MTRF1L: variants seen among roughly 807,000 people sequenced by gnomAD.
MTRF1L encodes peptide chain release factor 1-like, mitochondrial.
Under a neutral mutation model 40.0 loss-of-function variants are expected in MTRF1L, and 29 were observed. That is an observed-to-expected ratio of 0.73 (90% CI 0.54 to 0.99). The LOEUF (loss-of-function observed/expected upper bound fraction) is 0.99, where lower values mean the gene tolerates loss of function less well. MTRF1L is among the 50% of genes least tolerant of loss of function. The pLI is 0.00. For synonymous variants in MTRF1L, 150 were observed against 175.8 expected, an observed-to-expected ratio of 0.85 and a Z score of 1.16; for missense variants, 412 against 464.5, an observed-to-expected ratio of 0.89 and a Z score of 1.04.
chr6:152,995,529 C>T (rs62436125), intron 2 of MTRF1L, among the ~76,000 whole-genome samples: 2,617 of 152,202 alleles, frequency 0.017, 35 homozygotes, highest in Non-Finnish European at 0.026. Flanking sequence ...ATTATAAATG[C>T]TGTTAAGATT....
intron 4 of MTRF1L, among the ~76,000 whole-genome samples, chr6:152,993,907 T>A (rs1363405553): frequency 6.6e-6 from 1 of 152,220 alleles, no homozygotes; most frequent in Non-Finnish European, 1.5e-5. Flanking sequence ...AAAATTAGCA[T>A]AGGAACCACT....
intron 5 of MTRF1L, 73 bp from the exon 6 acceptor site, chr6:152,991,394 C>A: frequency 1.4e-6 from 2 of 1,421,532 alleles, no homozygotes; most frequent in Non-Finnish European, 1.9e-6. Context: ...GAATACTTTT[C>A]CTCCTCATCC....
intron 1 of MTRF1L, 137 bp from the exon 2 acceptor site, chr6:152,998,766 ATTCAATAAATGCCT>A (rs1438921104): frequency 3.1e-5 from 14 of 450,790 alleles, no homozygotes; most frequent in African/African-American, 4.1e-5. Context: ...AATAAATACC[ATTCAATAAATGCCT>A]TTCAATAAAT....
At chr6:152,991,422 T>C in intron 5 of MTRF1L, 101 bp from the exon 6 acceptor site, 1 of 1,327,090 alleles carries the variant, frequency 7.5e-7, no homozygotes, top group East Asian at 2.8e-5. Context: ...TCTTCCTTTA[T>C]GAGGGGAAAA....
chr6:152,997,100 GAA>G (rs891901486), intron 2 of MTRF1L, among the ~76,000 whole-genome samples: 1 of 152,146 alleles, frequency 6.6e-6, no homozygotes, highest in Non-Finnish European at 1.5e-5. Context: ...GATGCTTTAT[GAA>G]AAGTTTATGG....
At chr6:153,001,852 G>A (rs1366120419) in intron 1 of MTRF1L, among the ~76,000 whole-genome samples, 2 of 152,324 alleles carry the variant, frequency 1.3e-5, no homozygotes, top group South Asian at 2.1e-4. Flanking sequence ...TTACAAAGAC[G>A]TGAATTCTCT....
In MTRF1L at chr6:152,997,594, CAA is replaced by C. The variant is rs1054336337; in HGVS notation, c.339+954_339+955del. Among the ~76,000 whole-genome samples the C allele has an allele frequency of 1.3e-5, 2 of 152,054 alleles. 1 individual carries two copies. Among genetic ancestry groups the C allele is most frequent in the South Asian group, 4.2e-4 (2 of 4,806 alleles). On this transcript the variant is annotated intron_variant, in intron 2 of 6. Transcript: ENST00000367233. ...AAAGCAAAAGCAGACTGGCTAGGGG[CAA>C]AAGTCATGGCAATAGTCTTTTTGGG...
rs1778816837 is a variant in MTRF1L at position 152,999,044 on chromosome 6, A to G, written c.260-415T>C. Among the ~76,000 whole-genome samples, 5 of 152,120 alleles carry G rather than the reference A, an allele frequency of 3.3e-5. No individual in the cohort carries two copies. The South Asian group carries it at 1.0e-3, about 32-fold the overall frequency. ...CAGAAGGTTACACCAGTAAAACTAA[A>G]ATTCAATTAAAAAGTAGAAATTTAT... On this transcript the variant is annotated intron_variant, in intron 1 of 6. Coordinates refer to ENST00000367233, the MANE Select transcript of MTRF1L (RefSeq NM_019041.7).
At chr6:152,990,239 G>T in intron 6 of MTRF1L, 144 bp from the exon 7 acceptor site, 2 of 1,141,562 alleles carry the variant, frequency 1.8e-6, no homozygotes, top group Non-Finnish European at 2.4e-6. Context: ...AATCTCAAAT[G>T]ACATGGGAAC....
intron 1 of MTRF1L, among the ~76,000 whole-genome samples, chr6:153,001,605 C>T (rs898357864): frequency 1.3e-5 from 2 of 152,224 alleles, no homozygotes; most frequent in South Asian, 4.1e-4. Flanking sequence ...CAGTACCACT[C>T]GTGCTGAAGC....
chr6:152,990,752 G>A (rs1169094481), intron 6 of MTRF1L, among the ~76,000 whole-genome samples: 1 of 152,064 alleles, frequency 6.6e-6, no homozygotes, highest in African/African-American at 2.4e-5. Context: ...TGAACCCAGG[G>A]GGTGGAAGTC....
rs373181472 is a variant in MTRF1L, at chr6:153,002,331, TAA to T, written c.259+94_259+95del. The T allele has an allele frequency of 7.0e-3, 11,074 of 1,581,126 alleles. 51 individuals are homozygous for T. The highest frequency in any genetic ancestry group is 8.9e-3 in the Non-Finnish European group (10,298 of 1,153,198). On this transcript the variant is annotated intron_variant, in intron 1 of 6. Transcript: ENST00000367233. ...CAAAATAAAAACGGCTGCAAGTGAG[TAA>T]AGAGTTTCAAACTCGGGTAGTGTGG...
intron 2 of MTRF1L, 30 bp downstream of exon 2, chr6:152,998,520 A>G (rs372564270): frequency 2.7e-6 from 4 of 1,483,858 alleles, no homozygotes; most frequent in Admixed American, 4.4e-5. Context: ...GAATAGCACA[A>G]ATGCTTTATT....
chr6:153,001,918 T>C (rs1778930675), intron 1 of MTRF1L, among the ~76,000 whole-genome samples: 1 of 152,230 alleles, frequency 6.6e-6, no homozygotes, highest in African/African-American at 2.4e-5. Flanking sequence ...CCAAATTCTT[T>C]GTCTTGCAAG....
Position 152,990,075 on chromosome 6 carries a change from T to C in MTRF1L, c.963A>G (p.Ser321=). ...RKIQIGSKGR[S]EKIRTYNFPQ... Reference sequence around the variant, plus strand: ...GAAAATTATATGTTCTTATTTTCTCTGATCTTCCTTTACTTCCAATCTGTA... The same window carrying C: ...GAAAATTATATGTTCTTATTTTCTCCGATCTTCCTTTACTTCCAATCTGTA... Residue 321 remains serine (S), a synonymous_variant, in exon 7 of 7, where the codon TCA becomes TCG. Transcript: ENST00000367233. 1 of 1,613,928 alleles carries C rather than the reference T, an allele frequency of 6.2e-7. No homozygotes were observed. Among genetic ancestry groups the C allele is most frequent in the Non-Finnish European group, 8.5e-7 (1 of 1,179,936 alleles).
At chr6:152,994,954 G>T in intron 3 of MTRF1L, 182 bp downstream of exon 3, 2 of 729,598 alleles carry the variant, frequency 2.7e-6, no homozygotes, top group South Asian at 2.0e-5. Flanking sequence ...ATTATTGAAA[G>T]ACTCTCCATT....
intron 1 of MTRF1L, among the ~76,000 whole-genome samples, chr6:153,000,530 A>G (rs576144492): frequency 4.6e-5 from 7 of 152,132 alleles, no homozygotes; most frequent in Non-Finnish European, 7.4e-5. Context: ...ATAAATCAAC[A>G]TATGTTTACT....
rs1778445297 is a variant in MTRF1L, at chr6:152,989,950, A to C, written c.1088T>G (p.Leu363Trp). ...DYLLDELVQS[L>W]KEYADYESLV... ...AGATTCATAATCGGCGTATTCCTTC[A>C]ATGACTGTACAAGTTCATCCAGTAG... The change falls in exon 7 of 7, where the codon TTG becomes TGG. Residue 363 changes from leucine (L) to tryptophan (W), a missense_variant. Transcript: ENST00000367233. The C allele has an allele frequency of 6.2e-7, 1 of 1,613,660 alleles. No individual in the cohort carries two copies. The highest frequency in any genetic ancestry group is 1.1e-5 in the South Asian group (1 of 90,930).
intron 5 of MTRF1L, 114 bp downstream of exon 5, chr6:152,992,743 T>A: frequency 1.4e-6 from 1 of 738,442 alleles, no homozygotes; most frequent in East Asian, 2.5e-5. Context: ...TTAATAACAA[T>A]CCTTAGAAGT....
Sources: allele counts gnomAD v4.1 joint callset (sites outside exome capture counted in the v4.1 genomes callset), GRCh38; gene constraint gnomAD v4.1.1; transcripts MANE v1.5; gene names NCBI Gene and HGNC (gene_info 2026-07-23, HGNC 2026-07-21).